Variants in TOX2 observed in about 807,000 individuals in gnomAD.
TOX2 encodes the protein TOX high mobility group box family member 2.
A neutral mutation model predicts 47.4 loss-of-function variants in TOX2; 15 were observed. The observed-to-expected ratio is 0.32, with a 90% CI of 0.21 to 0.49. The LOEUF (loss-of-function observed/expected upper bound fraction) is 0.49. Ranked by LOEUF, TOX2 falls within the 20% of genes least tolerant of loss-of-function variation. The pLI, the probability that TOX2 is intolerant of heterozygous loss-of-function variation, is 0.99. For synonymous variants in TOX2, 290 were observed against 296.6 expected (o/e 0.98, Z 0.23); for missense variants, 622 against 673.1 (o/e 0.92, Z 0.84).
chr20:43,989,818 C>T (rs2070337389), intron 2 of TOX2, among the ~76,000 whole-genome samples: 1 of 151,072 alleles, frequency 6.6e-6, no homozygotes, highest in Non-Finnish European at 1.5e-5. Flanking sequence ...ATATATTAAT[C>T]ATCTCATAGT....
At chr20:43,994,458 C>CA (rs1569074928) in intron 2 of TOX2, among the ~76,000 whole-genome samples, 11 of 58,592 alleles carry the variant, frequency 1.9e-4, no homozygotes, top group South Asian at 1.7e-3. Context: ...GACCCTGTCT[C>CA]CAAAAAAAAA....
chr20:44,024,920 A>G (rs776924924), intron 3 of TOX2, among the ~76,000 whole-genome samples: 20 of 152,198 alleles, frequency 1.3e-4, no homozygotes, highest in Non-Finnish European at 2.4e-4. Context: ...AGTGTGTTCT[A>G]TTGGAGCAGT....
chr20:44,027,832 A>G (rs917757449), intron 3 of TOX2, among the ~76,000 whole-genome samples: 4 of 152,172 alleles, frequency 2.6e-5, no homozygotes, highest in African/African-American at 9.7e-5. Flanking sequence ...GGGCCCGACC[A>G]TGGCGTGCCT....
intron 3 of TOX2, among the ~76,000 whole-genome samples, chr20:44,026,539 G>A (rs757100645): frequency 2.0e-5 from 3 of 151,756 alleles, no homozygotes; most frequent in Non-Finnish European, 2.9e-5. Context: ...GATATTAATA[G>A]TGGGCATTCC....
At chr20:43,958,834 T>A (rs2069710905) in intron 1 of TOX2, among the ~76,000 whole-genome samples, 1 of 152,236 alleles carries the variant, frequency 6.6e-6, no homozygotes, top group Non-Finnish European at 1.5e-5. Flanking sequence ...TGGCCTTGGT[T>A]TCCCCAGTGG....
At position 44,051,385 on chromosome 20, in the gene TOX2, T is replaced by G. The variant is rs1174417928; in HGVS notation, c.491T>G (p.Leu164Arg). The G allele has an allele frequency of 6.2e-7, 1 of 1,613,882 alleles. No homozygotes were observed. The highest frequency in any genetic ancestry group is 1.3e-5 in the African/African-American group (1 of 74,934). The change falls in exon 4 of 9, where the codon CTG becomes CGG. Residue 164 changes from leucine to arginine, a missense_variant. Around this residue, in one of 3 missense-constraint regions of TOX2, gnomAD observed 307 missense variants for 327.3 expected, o/e 0.94. Coordinates refer to ENST00000341197, the MANE Select transcript of TOX2 (RefSeq NM_001098797.2). ...PGPLLGRPAM[L>R]ASHMSALSQS... ...CCCCTGCTGGGTCGCCCGGCAATGC[T>G]GGCCAGCCACATGAGTGCCCTCAGC...
At chr20:44,013,316 A>G (rs2070812696) in intron 3 of TOX2, among the ~76,000 whole-genome samples, 2 of 151,516 alleles carry the variant, frequency 1.3e-5, no homozygotes, top group Non-Finnish European at 2.9e-5. Context: ...TTCCCCTCCA[A>G]TCTCCTTTCT....
chr20:43,965,183 G>T (rs754068983), intron 1 of TOX2, among the ~76,000 whole-genome samples: 17 of 152,178 alleles, frequency 1.1e-4, no homozygotes, highest in Non-Finnish European at 2.4e-4. Context: ...AGACTGGCTG[G>T]CTGTCTCCGT....
intron 1 of TOX2, among the ~76,000 whole-genome samples, chr20:43,942,397 A>G (rs953978844): frequency 1.1e-4 from 16 of 152,188 alleles, no homozygotes; most frequent in Admixed American, 6.5e-5. Flanking sequence ...ACAAGGAAAC[A>G]AGTAACATCA....
chr20:44,024,375 T>A (rs915696592), intron 3 of TOX2, among the ~76,000 whole-genome samples: 1 of 147,292 alleles, frequency 6.8e-6, no homozygotes, highest in Non-Finnish European at 1.5e-5. Context: ...GTGTTCCAAT[T>A]CTCTTACTTT....
At chr20:43,977,784 G>T (rs1045859733) in intron 2 of TOX2, among the ~76,000 whole-genome samples, 8 of 152,170 alleles carry the variant, frequency 5.3e-5, no homozygotes, top group Non-Finnish European at 1.2e-4. Context: ...GCAGCTCCAG[G>T]GGGGTAGAGG....
chr20:43,982,258 G>A (rs80331934), intron 2 of TOX2, among the ~76,000 whole-genome samples: 2,406 of 152,254 alleles, frequency 0.016, 72 homozygotes, highest in African/African-American at 0.056. Context: ...GGTGAGAGGT[G>A]GTGGGGAGGT....
Position 43,916,951 on chromosome 20 carries a change from G to A in TOX2, c.99+1961G>A, listed in dbSNP as rs939926054. Among the ~76,000 whole-genome samples the A allele has an allele frequency of 4.6e-5, 7 of 152,226 alleles. No individual in the cohort carries two copies. Among genetic ancestry groups the A allele is most frequent in the African/African-American group, 1.4e-4 (6 of 41,458 alleles). On this transcript the variant is annotated intron_variant, in intron 1 of 8. Transcript: ENST00000341197. This position sits in a 1 kb window ranked among gnomAD's most constrained non-coding sequence, Gnocchi z 5.0. ...CACCAGAACCTGTGCGAATCTCGCC[G>A]GGAAGGGCCCGTCAGGGAGGGAATG...
At chr20:43,977,813 C>T (rs768572349) in intron 2 of TOX2, among the ~76,000 whole-genome samples, 1 of 152,166 alleles carries the variant, frequency 6.6e-6, no homozygotes, top group Non-Finnish European at 1.5e-5. Context: ...GAGGTCAGTT[C>T]TTTCCTGTTG....
chr20:43,991,414 T>C (rs918763591), intron 2 of TOX2, among the ~76,000 whole-genome samples: 6 of 152,186 alleles, frequency 3.9e-5, no homozygotes, highest in East Asian at 3.9e-4. Flanking sequence ...CTACTGTGCG[T>C]CAGGCAGTGG....
rs372018404 is a variant in TOX2, at chr20:43,943,158, G to A, written c.99+28168G>A. On this transcript the variant is annotated intron_variant, in intron 1 of 8. Coordinates refer to ENST00000341197, the MANE Select transcript of TOX2 (RefSeq NM_001098797.2). ...CCTTCTCTGTGGAGCTGGTGCTCTCGGGGTGCACGAGTCAGGGTTGGGAGG... is the reference window on the plus strand; with the variant it reads ...CCTTCTCTGTGGAGCTGGTGCTCTCAGGGTGCACGAGTCAGGGTTGGGAGG... 6.6e-4 allele frequency among the ~76,000 whole-genome samples: 100 copies of A among 152,258 alleles called. 1 individual carries two copies. The highest frequency in any genetic ancestry group is 2.4e-3 in the African/African-American group (98 of 41,544).
chr20:44,046,848 A>G (rs1381603190), intron 3 of TOX2, among the ~76,000 whole-genome samples: 1 of 152,216 alleles, frequency 6.6e-6, no homozygotes, highest in African/African-American at 2.4e-5. Flanking sequence ...CTGTATACCA[A>G]ACCCCTGTGA....
intron 1 of TOX2, among the ~76,000 whole-genome samples, chr20:43,960,677 T>A (rs189071000): frequency 6.6e-6 from 1 of 152,364 alleles, no homozygotes; most frequent in Non-Finnish European, 1.5e-5. Flanking sequence ...GAATCTGATT[T>A]CCATTTTAAA....
At chr20:44,064,959 T>C in intron 6 of TOX2, 102 bp downstream of exon 6, 1 of 1,071,534 alleles carries the variant, frequency 9.3e-7, no homozygotes, top group Non-Finnish European at 1.4e-6. Context: ...CCCCAGGTCT[T>C]AGAAAGAATG....
Sources: gnomAD v4.1 joint callset for allele counts (sites outside exome capture counted in the v4.1 genomes callset) on GRCh38, gnomAD v4.1.1 for gene constraint, gnomAD v4.1.1 regional missense constraint, Gnocchi (gnomAD v3.1) non-coding constraint, MANE v1.5 for transcripts, NCBI Gene and HGNC (gene_info 2026-07-23, HGNC 2026-07-21) for gene names.